Variants in LNPEP observed in about 807,000 individuals in gnomAD.
LNPEP encodes leucyl-cystinyl aminopeptidase.
A neutral mutation model predicts 120.6 loss-of-function variants in LNPEP; 64 were observed. The observed-to-expected ratio is 0.53, with a 90% CI of 0.43 to 0.65. The LOEUF (loss-of-function observed/expected upper bound fraction) is 0.65, where lower values mean the gene tolerates loss of function less well. LNPEP is among the 30% of genes least tolerant of loss of function. The probability of loss-of-function intolerance (pLI) is 0.00; values close to 1 mark genes in which losing one functional copy is unlikely to be tolerated. For missense variants in LNPEP, 1,057 were observed against 1,200.0 expected (o/e 0.88, Z 1.76); for synonymous variants, 435 against 425.4 (o/e 1.02, Z -0.28).
chr5:97,024,090 C>T (rs1202008677), intron 14 of LNPEP, among the ~76,000 whole-genome samples: 2 of 152,150 alleles, frequency 1.3e-5, no homozygotes, highest in Non-Finnish European at 2.9e-5. Context: ...AGGTCTTTCC[C>T]AGCTCTGAGA....
chr5:96,996,100 C>T (rs1790508850), intron 6 of LNPEP: 2 of 214,532 alleles, frequency 9.3e-6, no homozygotes, highest in Admixed American at 1.2e-4. Flanking sequence ...TATATTCATG[C>T]TATATTGCAT....
intron 5 of LNPEP, 128 bp downstream of exon 5, chr5:96,993,263 A>G: frequency 1.6e-6 from 1 of 608,254 alleles, no homozygotes; most frequent in East Asian, 3.0e-5. Flanking sequence ...TTAATGCTTT[A>G]AAAATTGTTT....
chr5:96,998,553 C>A (rs1041752084), intron 8 of LNPEP, among the ~76,000 whole-genome samples: 2 of 152,080 alleles, frequency 1.3e-5, no homozygotes, highest in African/African-American at 4.8e-5. Flanking sequence ...ATTGAAGATT[C>A]GATTTTAGAA....
At chr5:96,978,436 G>A (rs145872418) in intron 1 of LNPEP, among the ~76,000 whole-genome samples, 1 of 152,116 alleles carries the variant, frequency 6.6e-6, no homozygotes, top group Non-Finnish European at 1.5e-5. Context: ...ATTGTCTTTT[G>A]ATCTTTTTAA....
intron 14 of LNPEP, 75 bp from the exon 15 acceptor site, chr5:97,024,446 C>T: frequency 1.4e-6 from 2 of 1,392,516 alleles, no homozygotes; most frequent in Non-Finnish European, 2.0e-6. Flanking sequence ...CCAGAAACTC[C>T]ACCACAGCCA....
chr5:97,001,719 A>AGT (rs143049111), intron 8 of LNPEP, among the ~76,000 whole-genome samples: 5,861 of 152,262 alleles, frequency 0.038, 363 homozygotes, highest in African/African-American at 0.13. Flanking sequence ...GAGAATCAAG[A>AGT]GTAGTGTCTT....
At chr5:96,975,437 A>G (rs1413984904) in intron 1 of LNPEP, among the ~76,000 whole-genome samples, 1 of 152,158 alleles carries the variant, frequency 6.6e-6, no homozygotes, top group Non-Finnish European at 1.5e-5. Flanking sequence ...CCGAGGTAGT[A>G]TCAGTTCTTG....
intron 1 of LNPEP, among the ~76,000 whole-genome samples, chr5:96,957,816 T>TAAATC (rs1356897836): frequency 1.3e-5 from 2 of 152,226 alleles, no homozygotes; most frequent in African/African-American, 4.8e-5. Flanking sequence ...CCGTCAAGCT[T>TAAATC]GAGGTTAATT....
intron 13 of LNPEP, among the ~76,000 whole-genome samples, chr5:97,017,800 C>T (rs1791101305): frequency 6.6e-6 from 1 of 152,152 alleles, no homozygotes; most frequent in Admixed American, 6.6e-5. Context: ...TTTATTCTCT[C>T]ATAGTTCTGG....
rs557933207 is a variant in LNPEP, at chr5:96,986,386, A to AGC, written c.1000-152_1000-151dup. 2.6e-4 allele frequency among the ~76,000 whole-genome samples: 40 copies of AGC among 152,316 alleles called. 1 individual carries two copies. The East Asian group carries it at 3.5e-3, about 13-fold the overall frequency. On this transcript the variant is annotated intron_variant, in intron 3 of 17. Coordinates refer to ENST00000231368, the MANE Select transcript of LNPEP (RefSeq NM_005575.3). ...GATGGTACAACAGACTGAGACTAGG[A>AGC]GCCATGCTCTTTGCAGAAATTCATA...
At chr5:96,952,175 AG>A (rs1299691516) in intron 1 of LNPEP, among the ~76,000 whole-genome samples, 11 of 152,348 alleles carry the variant, frequency 7.2e-5, no homozygotes, top group African/African-American at 2.6e-4. Flanking sequence ...CCAAAACAAA[AG>A]GATTAGTGAG....
intron 1 of LNPEP, among the ~76,000 whole-genome samples, chr5:96,964,336 AT>A (rs1402390210): frequency 4.0e-5 from 6 of 151,506 alleles, no homozygotes; most frequent in African/African-American, 1.5e-4. Context: ...GTTTATTTCT[AT>A]TTTTTAATAT....
intron 17 of LNPEP, 97 bp from the exon 18 acceptor site, chr5:97,028,305 C>G: frequency 9.2e-7 from 1 of 1,084,660 alleles, no homozygotes; most frequent in Non-Finnish European, 1.4e-6. Flanking sequence ...GATAGCAGCA[C>G]AGCCATCACT....
At chr5:96,984,274 A>G (rs911017744) in intron 2 of LNPEP, among the ~76,000 whole-genome samples, 5 of 152,222 alleles carry the variant, frequency 3.3e-5, no homozygotes, top group African/African-American at 7.2e-5. Context: ...CTTCTAAACT[A>G]TATGTTTACG....
intron 1 of LNPEP, among the ~76,000 whole-genome samples, chr5:96,951,433 AT>A (rs1561428564): frequency 6.6e-6 from 1 of 151,768 alleles, no homozygotes; most frequent in Non-Finnish European, 1.5e-5. Context: ...AATTTTTTGT[AT>A]TTTTTAGTAG....
At position 97,024,621 on chromosome 5, in the gene LNPEP, G is replaced by T. The variant is rs1190030398; in HGVS notation, c.2662G>T (p.Ala888Ser). Residue 888 changes from alanine to serine, a missense_variant, in exon 15 of 18, where the codon GCA (alanine) becomes TCA (serine). Coordinates refer to ENST00000231368, the MANE Select transcript of LNPEP (RefSeq NM_005575.3). ...LGKYISIGSE[A>S]EKNKILEALA... Reference sequence around the variant, plus strand: ...CAAATACATTTCTATAGGCTCTGAAGCAGAGAAGAACAAAATACTAGAAGC... The same window carrying T: ...CAAATACATTTCTATAGGCTCTGAATCAGAGAAGAACAAAATACTAGAAGC... The T allele has an allele frequency of 6.2e-7, 1 of 1,614,092 alleles. No individual in the cohort carries two copies. Among genetic ancestry groups the T allele is most frequent in the Admixed American group, 1.7e-5 (1 of 60,028 alleles).
At chr5:97,027,668 A>C in intron 16 of LNPEP, 65 bp from the exon 17 acceptor site, 1 of 1,011,030 alleles carries the variant, frequency 9.9e-7, no homozygotes, top group East Asian at 2.4e-5. Context: ...TTTTCCTTGC[A>C]CTCAGGAACA....
intron 1 of LNPEP, among the ~76,000 whole-genome samples, chr5:96,949,929 TC>T (rs1350996621): frequency 5.9e-5 from 9 of 152,180 alleles, no homozygotes; most frequent in Admixed American, 5.9e-4. Context: ...CTTCCCTCCC[TC>T]CCTCCTTTCC....
intron 6 of LNPEP, 168 bp from the exon 7 acceptor site, chr5:96,996,222 G>T: frequency 2.2e-6 from 1 of 451,514 alleles, no homozygotes; most frequent in South Asian, 5.3e-5. Flanking sequence ...TACAACTTTT[G>T]TAAGTTCTAA....
Sources: gnomAD v4.1 joint callset for allele counts (sites outside exome capture counted in the v4.1 genomes callset) on GRCh38, gnomAD v4.1.1 for gene constraint, MANE v1.5 for transcripts, NCBI Gene and HGNC (gene_info 2026-07-23, HGNC 2026-07-21) for gene names.